Variants in PTPRG observed in about 807,000 individuals in gnomAD.
The protein encoded by PTPRG is receptor-type tyrosine-protein phosphatase gamma.
PTPRG carries 102 observed loss-of-function variants against 165.3 expected under a neutral mutation model. The observed-to-expected ratio is 0.62, with a 90% confidence interval of 0.53 to 0.73. The LOEUF (loss-of-function observed/expected upper bound fraction) is 0.73, where lower values mean the gene tolerates loss of function less well. PTPRG is among the 30% of genes least tolerant of loss of function. The pLI is 0.00. For missense variants in PTPRG, 1,866 were observed against 1,861.4 expected, an observed-to-expected ratio of 1.00 and a Z score of -0.05; for synonymous variants, 675 against 669.5, an observed-to-expected ratio of 1.01 and a Z score of -0.13.
chr3:61,696,491 G>A (rs544256986), intron 1 of PTPRG, among the ~76,000 whole-genome samples: 1 of 152,188 alleles, frequency 6.6e-6, no homozygotes, highest in East Asian at 1.9e-4. Flanking sequence ...GACAAGAGTG[G>A]GATTCCGTCT....
chr3:62,197,923 C>T (rs973125026), intron 10 of PTPRG, among the ~76,000 whole-genome samples: 3 of 152,156 alleles, frequency 2.0e-5, no homozygotes, highest in Non-Finnish European at 2.9e-5. Context: ...TGAGTTTACT[C>T]ATTACATATA....
At chr3:61,609,267 C>T (rs962758495) in intron 1 of PTPRG, among the ~76,000 whole-genome samples, 4 of 152,110 alleles carry the variant, frequency 2.6e-5, no homozygotes, top group African/African-American at 9.7e-5. Context: ...GAGCACAGTG[C>T]CTTTCTCATT....
intron 4 of PTPRG, among the ~76,000 whole-genome samples, chr3:62,041,875 A>G (rs568064267): frequency 3.3e-5 from 5 of 152,236 alleles, no homozygotes; most frequent in African/African-American, 1.2e-4. Context: ...TGTACTGACT[A>G]TGACCATGTG....
rs562459714 is a variant in PTPRG at position 62,261,062 on chromosome 3, C to T, written c.2560-1736C>T. 4 of 152,182 alleles carry T rather than the reference C, an allele frequency of 2.6e-5. 1 individual carries two copies. In the South Asian group the frequency reaches 6.2e-4, roughly 24 times the overall value. The allele number at this position is 152,182 out of a possible 1,614,324, so 9.4% of individuals were successfully genotyped here. A position where few individuals can be genotyped will look rare whatever the true frequency, so the allele number is the denominator to read the frequency against. On this transcript the variant is annotated intron_variant, in intron 16 of 29. Coordinates refer to ENST00000474889, the MANE Select transcript of PTPRG (RefSeq NM_002841.4). ...CAATTGCATTATATTAGAAAAGAGGCTCCAACTTCAGTCCATAGCTAGGGT... is the reference window on the plus strand; with the variant it reads ...CAATTGCATTATATTAGAAAAGAGGTTCCAACTTCAGTCCATAGCTAGGGT...
intron 12 of PTPRG, among the ~76,000 whole-genome samples, chr3:62,215,459 T>C (rs573068647): frequency 7.2e-5 from 11 of 151,996 alleles, no homozygotes; most frequent in Admixed American, 3.3e-4. Context: ...CTACAAGTTA[T>C]TGCCAACCTG....
intron 1 of PTPRG, among the ~76,000 whole-genome samples, chr3:61,579,227 C>T (rs1408347600): frequency 1.3e-5 from 2 of 152,186 alleles, no homozygotes; most frequent in African/African-American, 2.4e-5. Context: ...CAAGGCAAAC[C>T]CTTTCTAGGG....
At chr3:62,276,914 G>T in intron 24 of PTPRG, 58 bp from the exon 25 acceptor site, 1 of 1,311,196 alleles carries the variant, frequency 7.6e-7, no homozygotes, top group African/African-American at 1.5e-5. Flanking sequence ...AGAAAGAGCT[G>T]TTGGTTCTGT....
At chr3:61,610,655 T>C (rs1047468943) in intron 1 of PTPRG, among the ~76,000 whole-genome samples, 1 of 152,212 alleles carries the variant, frequency 6.6e-6, no homozygotes, top group African/African-American at 2.4e-5. Flanking sequence ...CAAATATTCC[T>C]CTGTTAAGTG....
chr3:61,839,827 C>T (rs985410103), intron 2 of PTPRG, among the ~76,000 whole-genome samples: 1 of 152,084 alleles, frequency 6.6e-6, no homozygotes, highest in East Asian at 1.9e-4. Context: ...CAACTCTCAC[C>T]CCCTTCCCCC....
chr3:62,009,458 A>T (rs2041368827), intron 4 of PTPRG, among the ~76,000 whole-genome samples: 1 of 152,112 alleles, frequency 6.6e-6, no homozygotes. Context: ...TTCAATATCC[A>T]TGTCTTCAGG....
intron 2 of PTPRG, among the ~76,000 whole-genome samples, chr3:61,909,222 G>T (rs1356514239): frequency 1.3e-5 from 2 of 152,204 alleles, no homozygotes; most frequent in African/African-American, 4.8e-5. Flanking sequence ...GTTGTAAGAG[G>T]TCAAACAAAT....
intron 2 of PTPRG, among the ~76,000 whole-genome samples, chr3:61,963,874 T>A (rs6798899): frequency 0.48 from 71,948 of 149,658 alleles, 17,455 homozygotes; most frequent in Non-Finnish European, 0.5. Context: ...ATATATATTT[T>A]AAAAAAAAAA....
At chr3:61,716,156 C>CT (rs573420644) in intron 1 of PTPRG, among the ~76,000 whole-genome samples, 63 of 152,198 alleles carry the variant, frequency 4.1e-4, no homozygotes, top group African/African-American at 1.5e-3. Flanking sequence ...GGTTTGTTTG[C>CT]TTTTTTCCCC....
At chr3:61,742,811 C>G in intron 1 of PTPRG, 1 of 1,606,338 alleles carries the variant, frequency 6.2e-7, no homozygotes, top group Non-Finnish European at 8.5e-7. Flanking sequence ...AGCTTCTTGA[C>G]CAGTTTTTTA....
At chr3:61,577,039 G>C (rs1375354282) in intron 1 of PTPRG, among the ~76,000 whole-genome samples, 2 of 152,204 alleles carry the variant, frequency 1.3e-5, no homozygotes, top group Non-Finnish European at 2.9e-5. Context: ...TTTTAAAACT[G>C]TGATTGACTT....
At chr3:61,817,032 G>GTATATAATATATAATATATAGTATATAA (rs551480459) in intron 2 of PTPRG, among the ~76,000 whole-genome samples, 5 of 126,696 alleles carry the variant, frequency 3.9e-5, no homozygotes, top group Non-Finnish European at 8.0e-5. Context: ...ATAATATATA[G>GTATATAATATATAATATATAGTATATAA]TATATAATAT....
chr3:61,979,443 C>T (rs531929305), intron 2 of PTPRG, among the ~76,000 whole-genome samples: 1 of 152,156 alleles, frequency 6.6e-6, no homozygotes, highest in African/African-American at 2.4e-5. Context: ...GGCTCATTTT[C>T]TCATGGGCCT....
intron 2 of PTPRG, among the ~76,000 whole-genome samples, chr3:61,897,319 TC>T (rs34079245): frequency 0.13 from 19,889 of 152,084 alleles, 2,489 homozygotes; most frequent in African/African-American, 0.33. Context: ...CCTAAGGTTT[TC>T]CAGTTACTTT....
chr3:61,985,696 A>T (rs2040741949), intron 2 of PTPRG, among the ~76,000 whole-genome samples: 1 of 152,174 alleles, frequency 6.6e-6, no homozygotes. Flanking sequence ...TGATGGATTG[A>T]TCATTAAGAC....
Sources: gnomAD v4.1 joint callset for allele counts (sites outside exome capture counted in the v4.1 genomes callset) on GRCh38, gnomAD v4.1.1 for gene constraint, MANE v1.5 for transcripts, NCBI Gene and HGNC (gene_info 2026-07-23, HGNC 2026-07-21) for gene names.